The following SCAPER variants were observed in gnomAD, a reference collection of about 807,000 sequenced individuals.
SCAPER encodes the protein S phase cyclin A-associated protein in the endoplasmic reticulum.
SCAPER carries 98 observed loss-of-function variants against 182.2 expected under a neutral mutation model. The observed-to-expected ratio is 0.54, with a 90% CI of 0.46 to 0.64. The LOEUF is 0.64. Among genes scored for constraint, SCAPER ranks in the 30% least tolerant of loss-of-function variants. The pLI, the probability that SCAPER is intolerant of heterozygous loss-of-function variation, is 0.00. For missense variants in SCAPER, 1,432 were observed against 1,690.0 expected (o/e 0.85, Z 2.68); for synonymous variants, 605 against 564.6 (o/e 1.07, Z -1.01).
chr15:76,423,782 C>A (rs941544059), intron 26 of SCAPER, among the ~76,000 whole-genome samples: 5 of 152,224 alleles, frequency 3.3e-5, no homozygotes, highest in African/African-American at 1.2e-4. Flanking sequence ...CCTCTACACA[C>A]TGCTTTAAAT....
intron 25 of SCAPER, among the ~76,000 whole-genome samples, chr15:76,449,305 A>G (rs1054264580): frequency 3.9e-5 from 6 of 152,204 alleles, no homozygotes; most frequent in Non-Finnish European, 8.8e-5. Flanking sequence ...GTAAATCTCA[A>G]AGGAGGAAAG....
intron 14 of SCAPER, among the ~76,000 whole-genome samples, chr15:76,755,915 G>C (rs2062395870): frequency 6.6e-6 from 1 of 152,118 alleles, no homozygotes; most frequent in Non-Finnish European, 1.5e-5. Flanking sequence ...TATGGAAGTG[G>C]ATCCTCCAGA....
chr15:76,782,665 A>C (rs1471000672), intron 8 of SCAPER, among the ~76,000 whole-genome samples: 1 of 152,194 alleles, frequency 6.6e-6, no homozygotes, highest in East Asian at 1.9e-4. Flanking sequence ...AAAGGATAAA[A>C]ATCACAACAA....
intron 21 of SCAPER, among the ~76,000 whole-genome samples, chr15:76,631,724 C>T (rs1186275213): frequency 6.6e-6 from 1 of 152,102 alleles, no homozygotes. Flanking sequence ...AACATATTTT[C>T]CTTTACTCTG....
At chr15:76,477,704 C>G (rs2050769029) in intron 24 of SCAPER, among the ~76,000 whole-genome samples, 1 of 151,970 alleles carries the variant, frequency 6.6e-6, no homozygotes, top group Non-Finnish European at 1.5e-5. Flanking sequence ...CTAAATAAAA[C>G]CGGTATTTTA....
intron 27 of SCAPER, among the ~76,000 whole-genome samples, chr15:76,391,496 A>G (rs1460394919): frequency 2.0e-5 from 3 of 152,208 alleles, no homozygotes. Context: ...TGCCAAAGAA[A>G]TAGAAGGAAG....
intron 23 of SCAPER, among the ~76,000 whole-genome samples, chr15:76,537,532 T>C (rs2044289356): frequency 6.6e-6 from 1 of 152,140 alleles, no homozygotes; most frequent in African/African-American, 2.4e-5. Context: ...AAGCTGAAAC[T>C]GGATCCCTTC....
intron 21 of SCAPER, among the ~76,000 whole-genome samples, chr15:76,631,406 G>A (rs773946329): frequency 4.6e-5 from 7 of 152,120 alleles, no homozygotes; most frequent in East Asian, 1.9e-4. Context: ...GTATGTCAGC[G>A]TGTTTTTGTA....
chr15:76,761,518 ATTAT>A (rs2151250060), intron 14 of SCAPER, among the ~76,000 whole-genome samples: 1 of 152,264 alleles, frequency 6.6e-6, no homozygotes, highest in East Asian at 1.9e-4. Context: ...GCTTCAAGGC[ATTAT>A]TTAAATTCCC....
At chr15:76,405,666 A>AT (rs2044776920) in intron 26 of SCAPER, among the ~76,000 whole-genome samples, 1 of 152,260 alleles carries the variant, frequency 6.6e-6, no homozygotes, top group Admixed American at 6.5e-5. Flanking sequence ...TGAAAAGAAT[A>AT]TTTTAAAACT....
At chr15:76,421,698 T>C (rs1419294017) in intron 26 of SCAPER, among the ~76,000 whole-genome samples, 2 of 152,228 alleles carry the variant, frequency 1.3e-5, no homozygotes, top group Admixed American at 1.3e-4. Flanking sequence ...TCCTTGCCCA[T>C]GCCTATGTCC....
rs867317721 is a variant in SCAPER at position 76,370,310 on chromosome 15, T to G, written c.3855+5852A>C. Among the ~76,000 whole-genome samples, 647 of 137,302 alleles carry G rather than the reference T, an allele frequency of 4.7e-3. 3 individuals carry two copies. The highest frequency in any genetic ancestry group is 0.015 in the African/African-American group (547 of 36,718). 90.1% of individuals were successfully genotyped at this position (137,302 alleles called of 152,430 possible). A position where few individuals can be genotyped will look rare whatever the true frequency, so the allele number is the denominator to read the frequency against. On this transcript the variant is annotated intron_variant, in intron 29 of 31. Coordinates refer to ENST00000563290, the MANE Select transcript of SCAPER (RefSeq NM_020843.4). ...ATTTCAATTTTTTTTTTTTTTTTTT[T>G]TTTTTTGTTTTAAAGACAGAGTCTT...
chr15:76,603,287 T>A (rs2050069396), intron 22 of SCAPER, among the ~76,000 whole-genome samples: 1 of 119,840 alleles, frequency 8.3e-6, no homozygotes, highest in Non-Finnish European at 2.0e-5. Flanking sequence ...CATGCGGTGT[T>A]TTTTTGTCCT....
At chr15:76,696,840 A>G (rs2058679097) in intron 20 of SCAPER, among the ~76,000 whole-genome samples, 1 of 152,202 alleles carries the variant, frequency 6.6e-6, no homozygotes, top group South Asian at 2.1e-4. Context: ...TTCTAAGATG[A>G]ATGAGGAAAC....
chr15:76,559,912 G>A (rs1189711055), intron 23 of SCAPER, among the ~76,000 whole-genome samples: 1 of 152,012 alleles, frequency 6.6e-6, no homozygotes, highest in Non-Finnish European at 1.5e-5. Context: ...ACAACAACTT[G>A]TATATGTGTG....
chr15:76,719,385 G>A (rs2060071854), intron 17 of SCAPER, among the ~76,000 whole-genome samples: 1 of 152,128 alleles, frequency 6.6e-6, no homozygotes, highest in Non-Finnish European at 1.5e-5. Context: ...TCACGGGTGT[G>A]CATAAGAGGG....
chr15:76,775,157 G>A (rs1568094736), intron 8 of SCAPER, 40 bp from the exon 9 acceptor site: 2 of 1,518,164 alleles, frequency 1.3e-6, no homozygotes, highest in Non-Finnish European at 1.8e-6. Context: ...GATTTATTTA[G>A]ATGATAAAAA....
chr15:76,440,908 T>G (rs12903592), intron 25 of SCAPER, among the ~76,000 whole-genome samples: 3 of 33,392 alleles, frequency 9.0e-5, no homozygotes, highest in African/African-American at 2.2e-4. Flanking sequence ...CCCCTTCTGG[T>G]TTTTTTTTTG....
At chr15:76,796,597 C>T (rs901799764) in intron 7 of SCAPER, among the ~76,000 whole-genome samples, 1 of 152,122 alleles carries the variant, frequency 6.6e-6, no homozygotes, top group African/African-American at 2.4e-5. Flanking sequence ...GTGTGTTCTA[C>T]GATGATAATG....
Sources: gnomAD v4.1 joint callset for allele counts (sites outside exome capture counted in the v4.1 genomes callset) on GRCh38, gnomAD v4.1.1 for gene constraint, MANE v1.5 for transcripts, NCBI Gene and HGNC (gene_info 2026-07-23, HGNC 2026-07-21) for gene names.